Variants in DNAJC1 observed in about 807,000 individuals in gnomAD.
DNAJC1 encodes the protein dnaJ homolog subfamily C member 1.
DNAJC1 carries 58 observed loss-of-function variants against 76.6 expected under a neutral mutation model. That is an observed-to-expected ratio of 0.76 (90% CI 0.61 to 0.94). The LOEUF is 0.94. Among genes scored for constraint, DNAJC1 ranks in the 40% least tolerant of loss-of-function variants. The pLI is 0.00. For synonymous variants in DNAJC1, 258 were observed against 267.9 expected (o/e 0.96, Z 0.36); for missense variants, 689 against 677.3 (o/e 1.02, Z -0.19).
chr10:21,942,527 C>T (rs1300767925), intron 1 of DNAJC1, among the ~76,000 whole-genome samples: 2 of 152,008 alleles, frequency 1.3e-5, no homozygotes, highest in Middle Eastern at 3.4e-3. Context: ...ATATAAGCGG[C>T]CGGGCGCGGT....
rs542566497 is a variant in DNAJC1 at position 21,863,129 on chromosome 10, T to C, written c.978+19153A>G. Among the ~76,000 whole-genome samples the C allele has an allele frequency of 2.0e-5, 3 of 151,788 alleles. No individual in the cohort carries two copies. The East Asian group carries it at 5.8e-4, about 29-fold the overall frequency. ...CCTGGGCAACAAGAGTGAAACTCCG[T>C]CTCAGAAAAAACAAACAAACAAACA... On this transcript the variant is annotated intron_variant, in intron 8 of 11. Transcript: ENST00000376980.
intron 9 of DNAJC1, among the ~76,000 whole-genome samples, chr10:21,786,662 G>C (rs1262295919): frequency 2.0e-5 from 3 of 151,872 alleles, no homozygotes; most frequent in Non-Finnish European, 4.4e-5. Flanking sequence ...TTTTAGTAGA[G>C]ACAGAGTTTC....
At chr10:21,759,771 T>C (rs186995328) in intron 10 of DNAJC1, among the ~76,000 whole-genome samples, 153 bp from the exon 11 acceptor site, 14 of 152,330 alleles carry the variant, frequency 9.2e-5, no homozygotes, top group African/African-American at 3.4e-4. Context: ...TCTAGAAAGA[T>C]AGGGATCATT....
intron 8 of DNAJC1, among the ~76,000 whole-genome samples, chr10:21,878,609 C>A (rs1836224090): frequency 6.6e-6 from 1 of 152,060 alleles, no homozygotes; most frequent in South Asian, 2.1e-4. Context: ...ACATACCTAA[C>A]TTTTTCTTAA....
chr10:21,781,503 C>T (rs1259631182), intron 9 of DNAJC1, among the ~76,000 whole-genome samples: 6 of 152,048 alleles, frequency 3.9e-5, no homozygotes, highest in South Asian at 2.1e-4. Context: ...GGGCAGATCA[C>T]GAGGTCAGGA....
At chr10:21,908,187 A>T (rs1212679592) in intron 6 of DNAJC1, among the ~76,000 whole-genome samples, 1 of 106,526 alleles carries the variant, frequency 9.4e-6, no homozygotes, top group African/African-American at 3.8e-5. Context: ...AATATATAAA[A>T]ATATATATTA....
chr10:21,975,187 C>T (rs1419053573), intron 1 of DNAJC1, among the ~76,000 whole-genome samples: 6 of 151,944 alleles, frequency 3.9e-5, no homozygotes, highest in Admixed American at 2.6e-4. Flanking sequence ...GAAAGAGTTG[C>T]AGCAAGTTCT....
intron 9 of DNAJC1, among the ~76,000 whole-genome samples, chr10:21,767,985 A>G (rs1466507574): frequency 6.6e-6 from 1 of 151,522 alleles, no homozygotes; most frequent in Non-Finnish European, 1.5e-5. Context: ...ACAGAGCCAG[A>G]CTCCATCTTA....
At chr10:21,986,332 T>C (rs1031986167) in intron 1 of DNAJC1, among the ~76,000 whole-genome samples, 6 of 152,248 alleles carry the variant, frequency 3.9e-5, no homozygotes, top group Admixed American at 1.3e-4. Flanking sequence ...GTCCTTCATG[T>C]TAATTACAGC....
chr10:21,824,836 C>CA (rs1835220944), intron 8 of DNAJC1, among the ~76,000 whole-genome samples: 2 of 152,226 alleles, frequency 1.3e-5, no homozygotes, highest in South Asian at 4.2e-4. Context: ...TGCAGTGGTG[C>CA]AATCTCAGCT....
At chr10:21,781,164 C>T (rs1834523041) in intron 9 of DNAJC1, among the ~76,000 whole-genome samples, 1 of 152,212 alleles carries the variant, frequency 6.6e-6, no homozygotes, top group African/African-American at 2.4e-5. Flanking sequence ...TAACACCCCA[C>T]TGTCAACATT....
At chr10:21,955,825 T>C (rs533047821) in intron 1 of DNAJC1, among the ~76,000 whole-genome samples, 25 of 152,352 alleles carry the variant, frequency 1.6e-4, no homozygotes, top group Admixed American at 3.3e-4. Context: ...TGTGTTATGT[T>C]CTCTCCCACA....
intron 9 of DNAJC1, among the ~76,000 whole-genome samples, chr10:21,779,364 C>T (rs974594171): frequency 6.6e-6 from 1 of 152,174 alleles, no homozygotes; most frequent in Non-Finnish European, 1.5e-5. Flanking sequence ...CCAACTGACA[C>T]CTCACACGGC....
intron 8 of DNAJC1, among the ~76,000 whole-genome samples, chr10:21,809,625 A>T (rs1834933775): frequency 6.6e-6 from 1 of 151,840 alleles, no homozygotes; most frequent in African/African-American, 2.4e-5. Context: ...TATATATCTA[A>T]TATGTATTAG....
chr10:21,782,377 T>G (rs1834543313), intron 9 of DNAJC1, among the ~76,000 whole-genome samples: 1 of 151,968 alleles, frequency 6.6e-6, no homozygotes. Context: ...AATAACAGGC[T>G]CTGAAATTGA....
At chr10:21,891,661 C>T (rs984424750) in intron 7 of DNAJC1, among the ~76,000 whole-genome samples, 5 of 152,104 alleles carry the variant, frequency 3.3e-5, no homozygotes, top group African/African-American at 1.2e-4. Flanking sequence ...TGGCACAGCA[C>T]TTTTCAAATG....
Position 21,909,076 on chromosome 10 carries a change from CG to C in DNAJC1, c.730-4465del, listed in dbSNP as rs530477949. Among the ~76,000 whole-genome samples, 590 of 152,156 alleles carry C rather than the reference CG, an allele frequency of 3.9e-3. 5 individuals are homozygous for C. Among genetic ancestry groups the C allele is most frequent in the African/African-American group, 0.013 (558 of 41,530 alleles). The stretch of plus-strand genomic sequence containing the variant: ...TAATTTTTGTATTTTTTAGTAGAGA[CG>C]GGGTTTTGCCATGTTGGCCAGGCTG... On this transcript the variant is annotated intron_variant, in intron 6 of 11. Transcript: ENST00000376980.
At chr10:21,930,030 C>T (rs1245063943) in intron 1 of DNAJC1, among the ~76,000 whole-genome samples, 5 of 152,158 alleles carry the variant, frequency 3.3e-5, no homozygotes, top group South Asian at 4.1e-4. Context: ...GGCTGGAGTG[C>T]GGCGGCACAA....
chr10:21,840,031 G>T (rs1426289980), intron 8 of DNAJC1, among the ~76,000 whole-genome samples: 1 of 152,148 alleles, frequency 6.6e-6, no homozygotes, highest in East Asian at 1.9e-4. Context: ...TGCAGAAAAG[G>T]CCTTTGACAA....
Sources: gnomAD v4.1 joint callset for allele counts (sites outside exome capture counted in the v4.1 genomes callset) on GRCh38, gnomAD v4.1.1 for gene constraint, MANE v1.5 for transcripts, NCBI Gene and HGNC (gene_info 2026-07-23, HGNC 2026-07-21) for gene names.